The following NIPSNAP1 variants were observed in gnomAD, a reference collection of about 807,000 sequenced individuals.
The protein encoded by NIPSNAP1 is nipsnap homolog 1.
A neutral mutation model predicts 49.2 loss-of-function variants in NIPSNAP1; 25 were observed. That is an observed-to-expected ratio of 0.51 (90% CI 0.37 to 0.71). The LOEUF (loss-of-function observed/expected upper bound fraction) is 0.71, where lower values mean the gene tolerates loss of function less well. Ranked by LOEUF, NIPSNAP1 falls within the 30% of genes least tolerant of loss-of-function variation. NIPSNAP1 has a pLI of 0.00. For missense variants in NIPSNAP1, 294 were observed against 361.0 expected, an observed-to-expected ratio of 0.81 and a Z score of 1.50; for synonymous variants, 143 against 140.7, an observed-to-expected ratio of 1.02 and a Z score of -0.12.
At chr22:29,560,873 A>C in intron 7 of NIPSNAP1, 45 bp from the exon 8 acceptor site, 1 of 1,562,690 alleles carries the variant, frequency 6.4e-7, no homozygotes, top group Non-Finnish European at 8.8e-7. Flanking sequence ...GGGCTGGTGC[A>C]GAGGGTACTG....
In NIPSNAP1 at chr22:29,561,711, TG is replaced by T. The variant is rs1176202680; in HGVS notation, c.439-66del. ...CGCTCCATCCTGACAGTGTGCCTCA[TG>T]GGGTAGCAGAGTAGTCCCCAGAACA... On this transcript the variant is annotated intron_variant, in intron 5 of 9. Coordinates refer to ENST00000216121, the MANE Select transcript of NIPSNAP1 (RefSeq NM_003634.4). 13 of 1,613,796 alleles carry T rather than the reference TG, an allele frequency of 8.1e-6. No individual in the cohort carries two copies. The African/African-American group carries it at 1.7e-4, about 22-fold the overall frequency.
At chr22:29,569,147 C>T in intron 4 of NIPSNAP1, 46 bp downstream of exon 4, 1 of 1,526,800 alleles carries the variant, frequency 6.5e-7, no homozygotes, top group East Asian at 2.3e-5. Context: ...GTGCTGGAGG[C>T]CAGGGCTGGG....
chr22:29,578,404 T>G (rs2064471839), intron 1 of NIPSNAP1, among the ~76,000 whole-genome samples: 1 of 151,168 alleles, frequency 6.6e-6, no homozygotes, highest in African/African-American at 2.5e-5. Flanking sequence ...ACTCCTGGGT[T>G]CAAGCAATCC....
rs1367251463 is a variant in NIPSNAP1 at position 29,581,029 on chromosome 22, G to T, written c.54C>A (p.Gly18=). Residue 18 remains glycine, a synonymous_variant, in exon 1 of 10, where the codon GGC becomes GGA. Transcript: ENST00000216121. ...CAACGTCCCCAGCGCGAGGCCCCGG[G>T]CCCCCCAGCAGCCGCCGCGCCGTCA... The part of the protein sequence containing the change: ...ISVTARRLLG[G]PGPRAGDVAS... 1 of 1,537,310 alleles carries T rather than the reference G, an allele frequency of 6.5e-7. No homozygotes were observed.
chr22:29,569,938 G>A (rs2064395146), intron 3 of NIPSNAP1: 2 of 543,696 alleles, frequency 3.7e-6, no homozygotes, highest in East Asian at 6.7e-5. Context: ...GCAGTGAGCC[G>A]AGATCGCGCC....
intron 1 of NIPSNAP1, among the ~76,000 whole-genome samples, chr22:29,571,921 G>A (rs569937287): frequency 4.8e-4 from 73 of 151,918 alleles, no homozygotes; most frequent in African/African-American, 1.6e-3. Context: ...GATTACAGGC[G>A]CGTACCACCA....
rs2064281071 is a variant in NIPSNAP1, at chr22:29,555,163, C to G, written c.*772G>C. The G allele has an allele frequency of 6.6e-6, 1 of 152,502 alleles. No individual in the cohort carries two copies. Among genetic ancestry groups the G allele is most frequent in the Admixed American group, 6.5e-5 (1 of 15,286 alleles). 9.4% of individuals were successfully genotyped at this position (152,502 alleles called of 1,614,324 possible). On this transcript the variant is annotated 3_prime_UTR_variant, in exon 10 of 10. Transcript: ENST00000216121. ...CAGGGGGAAACAGCCAAGCCACTCT[C>G]CATCTGTCTAGTATTAGGAACCTCT...
At position 29,569,330 on chromosome 22, in the gene NIPSNAP1, C is replaced by G. The variant is rs779270322; in HGVS notation, c.273-43G>C. ...AGAGGGGCAGGGTTCACATAGCCACCAGGGCCTCTGAGATAAGGGTTCAAA... is the reference window on the plus strand; with the variant it reads ...AGAGGGGCAGGGTTCACATAGCCACGAGGGCCTCTGAGATAAGGGTTCAAA... On this transcript the variant is annotated intron_variant, in intron 3 of 9. Coordinates refer to ENST00000216121, the MANE Select transcript of NIPSNAP1 (RefSeq NM_003634.4). The G allele has an allele frequency of 4.8e-6, 7 of 1,460,318 alleles. No individual in the cohort carries two copies. The African/African-American group carries it at 5.6e-5, about 12-fold the overall frequency. 90.5% of individuals were successfully genotyped at this position (1,460,318 alleles called of 1,614,324 possible).
Position 29,570,532 on chromosome 22 carries a change from A to G in NIPSNAP1, c.99T>C (p.Arg33=), listed in dbSNP as rs774231400. The part of the protein sequence containing the change: ...AGDVASAAAA[R]FYSKDNEGSW... ...TGCCTTCATTGTCCTTGGAATAGAAACTGCAGGACAGAGGAGTTGAGGGGG... is the reference window on the plus strand; with the variant it reads ...TGCCTTCATTGTCCTTGGAATAGAAGCTGCAGGACAGAGGAGTTGAGGGGG... Residue 33 remains arginine, a splice_region_variant and synonymous_variant, in exon 2 of 10, where the codon CGT becomes CGC. Transcript: ENST00000216121. The G allele has an allele frequency of 6.2e-7, 1 of 1,613,238 alleles. No individual in the cohort carries two copies.
chr22:29,564,068 G>A (rs934381632), intron 4 of NIPSNAP1, among the ~76,000 whole-genome samples: 1 of 152,214 alleles, frequency 6.6e-6, no homozygotes, highest in East Asian at 1.9e-4. Context: ...TAATTGTGGA[G>A]GAGAAGAAAG....
chr22:29,575,279 T>C (rs1257547727), intron 1 of NIPSNAP1, among the ~76,000 whole-genome samples: 1 of 152,136 alleles, frequency 6.6e-6, no homozygotes, highest in Non-Finnish European at 1.5e-5. Flanking sequence ...AAGAAAGAGA[T>C]TAGGGGCTGG....
chr22:29,562,952 A>C (rs1002085912), intron 4 of NIPSNAP1, among the ~76,000 whole-genome samples: 2 of 151,954 alleles, frequency 1.3e-5, no homozygotes, highest in African/African-American at 2.4e-5. Flanking sequence ...ACAAAAAATT[A>C]GCCAGGCGTG....
Position 29,580,105 on chromosome 22 carries a change from G to A in NIPSNAP1, c.98+880C>T, listed in dbSNP as rs185183353. ...GGGGAACAGGTGGCCTCACTTCTTT[G>A]GTAAATATTCCTTGACCATACACAG... On this transcript the variant is annotated intron_variant, in intron 1 of 9. Transcript: ENST00000216121. 348 of 1,304,118 alleles carry A rather than the reference G, an allele frequency of 2.7e-4. 4 individuals carry two copies. The African/African-American group carries it at 4.3e-3, about 16-fold the overall frequency. The allele number at this position is 1,304,118 out of a possible 1,614,324, so 80.8% of individuals were successfully genotyped here. A position where few individuals can be genotyped will look rare whatever the true frequency, so the allele number is the denominator to read the frequency against.
At position 29,555,871 on chromosome 22, in the gene NIPSNAP1, G is replaced by A; in HGVS notation, c.*64C>T. The A allele has an allele frequency of 2.1e-6, 3 of 1,416,180 alleles. 1 individual carries two copies. In the South Asian group the frequency reaches 3.7e-5, roughly 17 times the overall value. The allele number at this position is 1,416,180 out of a possible 1,614,324, so 87.7% of individuals were successfully genotyped here. ...GACAAAACCAAGACAGCAGGACCAG[G>A]AGTGCCACTGTCTGTCGGGGTTGCC... On this transcript the variant is annotated 3_prime_UTR_variant, in exon 10 of 10. Transcript: ENST00000216121.
intron 1 of NIPSNAP1, among the ~76,000 whole-genome samples, chr22:29,576,775 A>C (rs2064455748): frequency 6.6e-6 from 1 of 151,250 alleles, no homozygotes; most frequent in African/African-American, 2.5e-5. Flanking sequence ...AATACAAAAA[A>C]TTAGCTGGGT....
chr22:29,559,245 G>A (rs1477168783), intron 8 of NIPSNAP1, among the ~76,000 whole-genome samples: 1 of 39,836 alleles, frequency 2.5e-5, no homozygotes, highest in Non-Finnish European at 4.7e-5. Context: ...AGCATTTTTA[G>A]TGTTAACACT....
At chr22:29,575,000 T>C (rs460428) in intron 1 of NIPSNAP1, among the ~76,000 whole-genome samples, 31,881 of 152,074 alleles carry the variant, frequency 0.21, 3,920 homozygotes, top group East Asian at 0.59. Flanking sequence ...TTAAGGGACT[T>C]GCCCAAGGCC....
At chr22:29,569,072 G>A (rs935526526) in intron 4 of NIPSNAP1, 121 bp downstream of exon 4, 2 of 777,696 alleles carry the variant, frequency 2.6e-6, no homozygotes, top group Admixed American at 2.0e-5. Flanking sequence ...AGGTGATGAG[G>A]TTTTAGTAAG....
intron 9 of NIPSNAP1, among the ~76,000 whole-genome samples, chr22:29,557,479 G>A (rs1204628279): frequency 6.6e-6 from 1 of 151,932 alleles, no homozygotes; most frequent in Non-Finnish European, 1.5e-5. Context: ...CCAGGCTGGA[G>A]TGCAATGGCA....
Sources: allele counts gnomAD v4.1 joint callset (sites outside exome capture counted in the v4.1 genomes callset), GRCh38; gene constraint gnomAD v4.1.1; transcripts MANE v1.5; gene names NCBI Gene and HGNC (gene_info 2026-07-23, HGNC 2026-07-21).